The following CALD1 variants were observed in gnomAD, a reference collection of about 807,000 sequenced individuals.
CALD1 encodes the protein caldesmon.
Under a neutral mutation model 99.9 loss-of-function variants are expected in CALD1, and 33 were observed. The ratio of observed to expected loss-of-function variants is 0.33; its 90% CI spans 0.25 to 0.44. The LOEUF (loss-of-function observed/expected upper bound fraction) is 0.44, where lower values mean the gene tolerates loss of function less well. CALD1 is among the 20% of genes least tolerant of loss of function. The probability of loss-of-function intolerance (pLI) is 1.00; values close to 1 mark genes in which losing one functional copy is unlikely to be tolerated. For synonymous variants in CALD1, 310 were observed against 325.0 expected (o/e 0.95, Z 0.50); for missense variants, 861 against 962.1 (o/e 0.89, Z 1.39).
chr7:134,879,104 C>T (rs1456510896), intron 3 of CALD1, among the ~76,000 whole-genome samples: 1 of 152,214 alleles, frequency 6.6e-6, no homozygotes, highest in African/African-American at 2.4e-5. Context: ...TCAGGTGGAA[C>T]TGGCAGACAG....
intron 3 of CALD1, among the ~76,000 whole-genome samples, chr7:134,923,074 C>T (rs1371921638): frequency 6.6e-6 from 1 of 152,152 alleles, no homozygotes; most frequent in African/African-American, 2.4e-5. Flanking sequence ...TGCATTTATT[C>T]GTCAGTGTGA....
chr7:134,787,699 G>T (rs200132565), intron 1 of CALD1, among the ~76,000 whole-genome samples: 1 of 152,150 alleles, frequency 6.6e-6, no homozygotes, highest in East Asian at 1.9e-4. Flanking sequence ...TTATCTCTAG[G>T]TTCTTCCTTT....
At chr7:134,773,334 G>T (rs532971585) in intron 1 of CALD1, among the ~76,000 whole-genome samples, 1 of 151,228 alleles carries the variant, frequency 6.6e-6, no homozygotes, top group East Asian at 1.9e-4. Context: ...GGGTGCAGTG[G>T]CACAATCATG....
intron 1 of CALD1, among the ~76,000 whole-genome samples, chr7:134,756,168 G>A (rs1232298080): frequency 6.6e-6 from 1 of 150,880 alleles, no homozygotes; most frequent in African/African-American, 2.4e-5. Flanking sequence ...TGGGATTACA[G>A]GTGAGAGGCA....
intron 1 of CALD1, among the ~76,000 whole-genome samples, chr7:134,753,777 G>T (rs1385571683): frequency 1.3e-5 from 2 of 152,148 alleles, no homozygotes; most frequent in Non-Finnish European, 2.9e-5. Context: ...ACTACAAATT[G>T]TCTTGTAGCT....
At chr7:134,920,318 A>T (rs961779203) in intron 3 of CALD1, among the ~76,000 whole-genome samples, 47 of 125,954 alleles carry the variant, frequency 3.7e-4, no homozygotes, top group African/African-American at 1.1e-3. Context: ...AGTATGTGTG[A>T]GTCATTTTGC....
At chr7:134,781,807 C>A (rs1393237112) in intron 1 of CALD1, among the ~76,000 whole-genome samples, 1 of 152,274 alleles carries the variant, frequency 6.6e-6, no homozygotes, top group African/African-American at 2.4e-5. Flanking sequence ...TAAGTAAATA[C>A]ACAATTCTTA....
intron 3 of CALD1, among the ~76,000 whole-genome samples, chr7:134,872,501 A>C (rs1801145639): frequency 6.6e-6 from 1 of 152,112 alleles, no homozygotes; most frequent in Non-Finnish European, 1.5e-5. Flanking sequence ...TAGATTTGGC[A>C]AAAAGGAAGG....
chr7:134,932,694 CTG>C (rs1805611409), intron 4 of CALD1, among the ~76,000 whole-genome samples: 1 of 152,178 alleles, frequency 6.6e-6, no homozygotes, highest in African/African-American at 2.4e-5. Context: ...GTGAGGGGTG[CTG>C]AGGTATCTAA....
chr7:134,735,466 G>A, the CALD1 span, among the ~76,000 whole-genome samples: 2 of 151,920 alleles, frequency 1.3e-5, no homozygotes, highest in African/African-American at 4.8e-5. Context: ...CGTACAATCT[G>A]GTGAGTGTGT....
At chr7:134,821,239 T>C (rs1798760799) in intron 1 of CALD1, among the ~76,000 whole-genome samples, 1 of 152,058 alleles carries the variant, frequency 6.6e-6, no homozygotes, top group East Asian at 1.9e-4. Context: ...TGTCTAGTGA[T>C]AATATCTGTA....
At chr7:134,841,127 T>C (rs1268147859) in intron 1 of CALD1, among the ~76,000 whole-genome samples, 1 of 152,186 alleles carries the variant, frequency 6.6e-6, no homozygotes, top group East Asian at 1.9e-4. Flanking sequence ...AAATAAATCA[T>C]CTGAATTGAG....
At chr7:134,937,306 G>T (rs958610234) in intron 6 of CALD1, among the ~76,000 whole-genome samples, 3 of 152,042 alleles carry the variant, frequency 2.0e-5, no homozygotes, top group Non-Finnish European at 2.9e-5. Context: ...GTTCAACAGC[G>T]TCCTCTGTGT....
Position 134,896,039 on chromosome 7 carries a change from G to A in CALD1, c.71+28235G>A, listed in dbSNP as rs540209598. The stretch of plus-strand genomic sequence containing the variant: ...TTACCTGTTTCTAACCATCCTTCCC[G>A]CCAAACTACTCACCCTGCCACTCTG... On this transcript the variant is annotated intron_variant, in intron 3 of 14. Transcript: ENST00000361675. 8.5e-5 allele frequency among the ~76,000 whole-genome samples: 13 copies of A among 152,062 alleles called. No homozygotes were observed. In the South Asian group the frequency reaches 1.2e-3, roughly 15 times the overall value.
chr7:134,838,646 C>G (rs993869513), intron 1 of CALD1, among the ~76,000 whole-genome samples: 1 of 152,156 alleles, frequency 6.6e-6, no homozygotes, highest in Admixed American at 6.5e-5. Flanking sequence ...GCAAATAATC[C>G]AGTGTTGACT....
chr7:134,915,998 G>A (rs1219434751), intron 3 of CALD1, among the ~76,000 whole-genome samples: 2 of 152,166 alleles, frequency 1.3e-5, no homozygotes, highest in Non-Finnish European at 2.9e-5. Flanking sequence ...GTGGTTGACT[G>A]CCAAGTCCCC....
At chr7:134,724,129 C>T in the CALD1 span, among the ~76,000 whole-genome samples, 1 of 152,162 alleles carries the variant, frequency 6.6e-6, no homozygotes, top group African/African-American at 2.4e-5. Flanking sequence ...CAAGGGTTTC[C>T]CTTGTGAGCC....
At chr7:134,859,154 C>G (rs950601845) in intron 2 of CALD1, among the ~76,000 whole-genome samples, 2 of 152,168 alleles carry the variant, frequency 1.3e-5, no homozygotes, top group Non-Finnish European at 2.9e-5. Flanking sequence ...CTGGCTTTTT[C>G]AGGGATAGGG....
chr7:134,788,608 A>C (rs1797398599), intron 1 of CALD1, among the ~76,000 whole-genome samples: 1 of 152,254 alleles, frequency 6.6e-6, no homozygotes, highest in African/African-American at 2.4e-5. Context: ...CTCCTAGAAC[A>C]TAAGCTCTAT....
Sources: allele counts gnomAD v4.1 joint callset (sites outside exome capture counted in the v4.1 genomes callset), GRCh38; gene constraint gnomAD v4.1.1; transcripts MANE v1.5; gene names NCBI Gene and HGNC (gene_info 2026-07-23, HGNC 2026-07-21).